DNAJC5: variants seen among roughly 807,000 people sequenced by gnomAD.
DNAJC5 encodes the protein dnaJ homolog subfamily C member 5.
A neutral mutation model predicts 23.2 loss-of-function variants in DNAJC5; 1 was observed. That is an observed-to-expected ratio of 0.04 (90% confidence interval 0.02 to 0.20). DNAJC5 has a LOEUF of 0.20. Among genes scored for constraint, DNAJC5 ranks in the 10% least tolerant of loss-of-function variants. The probability of loss-of-function intolerance (pLI) is 1.00; values close to 1 mark genes in which losing one functional copy is unlikely to be tolerated. For missense variants in DNAJC5, 180 were observed against 267.0 expected (o/e 0.67, Z 2.27); for synonymous variants, 136 against 120.0 (o/e 1.13, Z -0.87).
In DNAJC5 at chr20:63,931,030, C is replaced by T. The variant is rs953814957; in HGVS notation, c.493+8C>T. On this transcript the variant is annotated splice_region_variant and intron_variant, in intron 4 of 4. Transcript: ENST00000360864. This position sits in a 1 kb window ranked among gnomAD's most constrained non-coding sequence, Gnocchi z 9.6. ...TGCAGTCTGACGAGAGGGGTGAGTG[C>T]CCGCCCCAGGGCCCGTGTGTGTGTG... is the stretch of plus-strand genomic sequence containing the variant. The T allele has an allele frequency of 1.9e-6, 3 of 1,613,386 alleles. No individual in the cohort carries two copies. The highest frequency in any genetic ancestry group is 1.7e-6 in the Non-Finnish European group (2 of 1,179,754).
rs1444248230 is a variant in DNAJC5, at chr20:63,895,396, T to TG, written c.-12+79dup. 9 of 87,164 alleles carry TG rather than the reference T, an allele frequency of 1.0e-4. No individual in the cohort carries two copies. The East Asian group carries it at 2.3e-3, about 22-fold the overall frequency. 5.4% of individuals were successfully genotyped at this position (87,164 alleles called of 1,614,324 possible). A position where few individuals can be genotyped will look rare whatever the true frequency, so the allele number is the denominator to read the frequency against. ...GGGCAGGCGGGCGGGCGGGCGCGGG[T>TG]GGGGGGCGGGGGCGGCACTCCAGAG... On this transcript the variant is annotated intron_variant, in intron 1 of 4. Transcript: ENST00000360864.
At chr20:63,896,949 G>T (rs1363672790) in intron 1 of DNAJC5, among the ~76,000 whole-genome samples, 1 of 152,150 alleles carries the variant, frequency 6.6e-6, no homozygotes, top group Non-Finnish European at 1.5e-5. Context: ...TTCCTGGAGT[G>T]TTGGCCCTCA....
rs1227603752 is a variant in DNAJC5 at position 63,935,877 on chromosome 20, G to A, written c.*4309G>A. 1 of 152,246 alleles carries A rather than the reference G, an allele frequency of 6.6e-6. No homozygotes were observed. The highest frequency in any genetic ancestry group is 1.5e-5 in the Non-Finnish European group (1 of 68,042). 9.4% of individuals were successfully genotyped at this position (152,246 alleles called of 1,614,324 possible). ...CGTCCTGGAATCCGACCGTGTTGGGGTGCAGGCGCTGTCAGACTCCGGCTG... is the reference window on the plus strand; with the variant it reads ...CGTCCTGGAATCCGACCGTGTTGGGATGCAGGCGCTGTCAGACTCCGGCTG... On this transcript the variant is annotated 3_prime_UTR_variant, in exon 5 of 5. Transcript: ENST00000360864.
intron 1 of DNAJC5, among the ~76,000 whole-genome samples, chr20:63,916,092 C>T (rs1378189964): frequency 1.3e-5 from 2 of 152,118 alleles, no homozygotes; most frequent in Non-Finnish European, 2.9e-5. Context: ...CACCACCATG[C>T]CTGGCTAATT....
chr20:63,917,434 G>C (rs1030440014), intron 1 of DNAJC5, among the ~76,000 whole-genome samples: 1 of 152,094 alleles, frequency 6.6e-6, no homozygotes, highest in South Asian at 2.1e-4. Context: ...TGTATTTTCT[G>C]TAGAGATGGG....
chr20:63,912,279 G>C (rs2053487194), intron 1 of DNAJC5, among the ~76,000 whole-genome samples: 1 of 151,182 alleles, frequency 6.6e-6, no homozygotes, highest in Non-Finnish European at 1.5e-5. Context: ...CTCCAGCGTG[G>C]GCGACAGAGT....
intron 1 of DNAJC5, among the ~76,000 whole-genome samples, chr20:63,910,580 C>T (rs1287879040): frequency 2.0e-5 from 3 of 151,472 alleles, no homozygotes; most frequent in African/African-American, 7.3e-5. Flanking sequence ...ACTGGGAGGG[C>T]GAGGCCCGAG....
Position 63,931,653 on chromosome 20 carries a change from A to C in DNAJC5, c.*85A>C. 2.2e-6 allele frequency: 3 copies of C among 1,377,206 alleles called. No homozygotes were observed. The highest frequency in any genetic ancestry group is 3.0e-6 in the Non-Finnish European group (3 of 1,001,946). The allele number at this position is 1,377,206 out of a possible 1,614,324, so 85.3% of individuals were successfully genotyped here. A position where few individuals can be genotyped will look rare whatever the true frequency, so the allele number is the denominator to read the frequency against. On this transcript the variant is annotated 3_prime_UTR_variant, in exon 5 of 5. Transcript: ENST00000360864. This position sits in a 1 kb window ranked among gnomAD's most constrained non-coding sequence, Gnocchi z 9.6. The stretch of plus-strand genomic sequence containing the variant: ...CATGAACTGTAGTCACAGAGATGGG[A>C]AGGCAGCCTCCTGCCTGCCCTGGCC...
At chr20:63,918,686 C>T (rs762460233) in intron 1 of DNAJC5, among the ~76,000 whole-genome samples, 2 of 152,196 alleles carry the variant, frequency 1.3e-5, no homozygotes, top group African/African-American at 4.8e-5. Context: ...AGCTCTACCT[C>T]CCAGGTTTAC....
chr20:63,922,719 C>G (rs2053582684), intron 1 of DNAJC5, among the ~76,000 whole-genome samples: 1 of 151,874 alleles, frequency 6.6e-6, no homozygotes, highest in African/African-American at 2.4e-5. Flanking sequence ...GCCATGATCC[C>G]TTATCACACC....
intron 1 of DNAJC5, among the ~76,000 whole-genome samples, chr20:63,924,716 G>T (rs2053597929): frequency 6.6e-6 from 1 of 152,240 alleles, no homozygotes; most frequent in African/African-American, 2.4e-5. Context: ...GGGTGCAGTG[G>T]TGCGTGCCTG....
intron 1 of DNAJC5, among the ~76,000 whole-genome samples, chr20:63,921,773 A>T (rs2053575200): frequency 6.6e-6 from 1 of 151,530 alleles, no homozygotes; most frequent in African/African-American, 2.4e-5. Flanking sequence ...TTGACATGGG[A>T]TCCCCTTGAA....
intron 1 of DNAJC5, among the ~76,000 whole-genome samples, chr20:63,902,268 A>G (rs1403063364): frequency 2.7e-5 from 4 of 146,342 alleles, no homozygotes; most frequent in Non-Finnish European, 6.0e-5. Flanking sequence ...GTTAGCCAGG[A>G]TGGTCTCGAT....
intron 1 of DNAJC5, among the ~76,000 whole-genome samples, chr20:63,901,963 G>A (rs2053415724): frequency 6.6e-6 from 1 of 152,104 alleles, no homozygotes. Context: ...TGCTGCGATA[G>A]GACTAGCTGT....
rs2053649151 is a variant in DNAJC5 at position 63,929,713 on chromosome 20, C to CGAGTCACTCCTGCCGTGCGGGCGCCT, written c.321+210_321+211insGCCTGAGTCACTCCTGCCGTGCGGGC. ...GAGTCACTCCTGCCGTGCGGGCGCC[C>CGAGTCACTCCTGCCGTGCGGGCGCCT]GAGTCACTCCTGCCGTGCGGGCACC... is the stretch of plus-strand genomic sequence containing the variant. On this transcript the variant is annotated intron_variant, in intron 3 of 4. Transcript: ENST00000360864. The surrounding 1 kb of genome is among the most constrained non-coding windows in gnomAD (Gnocchi z 8.6). 6.7e-6 allele frequency among the ~76,000 whole-genome samples: 1 copy of CGAGTCACTCCTGCCGTGCGGGCGCCT among 150,108 alleles called. No homozygotes were observed. The highest frequency in any genetic ancestry group is 6.6e-5 in the Admixed American group (1 of 15,180).
chr20:63,922,714 G>A (rs565279829), intron 1 of DNAJC5, among the ~76,000 whole-genome samples: 3 of 152,206 alleles, frequency 2.0e-5, no homozygotes, highest in Admixed American at 6.5e-5. Context: ...AGGCTGCCAT[G>A]ATCCCTTATC....
rs150044418 is a variant in DNAJC5 at position 63,927,053 on chromosome 20, G to T, written c.-11-1282G>T. 5.8e-3 allele frequency among the ~76,000 whole-genome samples: 882 copies of T among 152,324 alleles called. 7 individuals are homozygous for T. The highest frequency in any genetic ancestry group is 0.019 in the African/African-American group (783 of 41,556). ...CCAGTTTGTAGCTAAGTCAGGGATA[G>T]TGCTGTGTGTGACCTCATTCCATTA... On this transcript the variant is annotated intron_variant, in intron 1 of 4. Coordinates refer to ENST00000360864, the MANE Select transcript of DNAJC5 (RefSeq NM_025219.3).
Position 63,935,099 on chromosome 20 carries a change from G to C in DNAJC5, c.*3531G>C, listed in dbSNP as rs1204030271. ...TATTTTGGTTGTAAATCATTCTCCTGTGGAATTGGCAAAAGCTACATTTTT... is the reference window on the plus strand; with the variant it reads ...TATTTTGGTTGTAAATCATTCTCCTCTGGAATTGGCAAAAGCTACATTTTT... On this transcript the variant is annotated 3_prime_UTR_variant, in exon 5 of 5. Coordinates refer to ENST00000360864, the MANE Select transcript of DNAJC5 (RefSeq NM_025219.3). 1 of 152,290 alleles carries C rather than the reference G, an allele frequency of 6.6e-6. No homozygotes were observed. The highest frequency in any genetic ancestry group is 2.4e-5 in the African/African-American group (1 of 41,448). 9.4% of individuals were successfully genotyped at this position (152,290 alleles called of 1,614,324 possible).
chr20:63,931,754 T>G lies in DNAJC5; in HGVS notation c.*186T>G. 1.5e-6 allele frequency: 1 copy of G among 659,032 alleles called. No homozygotes were observed. The highest frequency in any genetic ancestry group is 2.7e-6 in the Non-Finnish European group (1 of 364,536). 40.8% of individuals were successfully genotyped at this position (659,032 alleles called of 1,614,324 possible). A position where few individuals can be genotyped will look rare whatever the true frequency, so the allele number is the denominator to read the frequency against. On this transcript the variant is annotated 3_prime_UTR_variant, in exon 5 of 5. Transcript: ENST00000360864. The surrounding 1 kb of genome is among the most constrained non-coding windows in gnomAD (Gnocchi z 9.6). Reference sequence around the variant, plus strand: ...CACGAAGTGCGTAGCATGCAGTATTTAAAGCAGTGTAGCTACGGTCTTCTG... The same window carrying G: ...CACGAAGTGCGTAGCATGCAGTATTGAAAGCAGTGTAGCTACGGTCTTCTG...
Sources: allele counts gnomAD v4.1 joint callset (sites outside exome capture counted in the v4.1 genomes callset), GRCh38; gene constraint gnomAD v4.1.1; non-coding constraint Gnocchi (gnomAD v3.1); transcripts MANE v1.5; gene names NCBI Gene and HGNC (gene_info 2026-07-23, HGNC 2026-07-21).